The following PRKCH variants were observed in gnomAD, a reference collection of about 807,000 sequenced individuals.
PRKCH encodes protein kinase C eta.
A neutral mutation model predicts 82.5 loss-of-function variants in PRKCH; 28 were observed. The ratio of observed to expected loss-of-function variants is 0.34; its 90% CI spans 0.25 to 0.47. PRKCH has a LOEUF of 0.47. Among genes scored for constraint, PRKCH ranks in the 20% least tolerant of loss-of-function variants. The probability of loss-of-function intolerance (pLI) is 1.00; values close to 1 mark genes in which losing one functional copy is unlikely to be tolerated. For missense variants in PRKCH, 705 were observed against 881.8 expected (o/e 0.80, Z 2.54); for synonymous variants, 322 against 327.4 (o/e 0.98, Z 0.18).
intron 1 of PRKCH, among the ~76,000 whole-genome samples, chr14:61,290,507 TTC>T (rs1421469966): frequency 3.3e-5 from 5 of 152,138 alleles, no homozygotes; most frequent in Non-Finnish European, 5.9e-5. Flanking sequence ...GGGTGTGCCA[TTC>T]TGTGGGTCTC....
chr14:61,530,627 G>A (rs1438035012), intron 12 of PRKCH, 32 bp downstream of exon 12: 2 of 1,557,494 alleles, frequency 1.3e-6, no homozygotes, highest in South Asian at 1.2e-5. Flanking sequence ...AGCTTCTGAT[G>A]TATTGCAAAC....
intron 1 of PRKCH, among the ~76,000 whole-genome samples, chr14:61,223,086 A>G (rs1191771849): frequency 6.6e-6 from 1 of 152,206 alleles, no homozygotes; most frequent in African/African-American, 2.4e-5. Flanking sequence ...GGGGATTTAA[A>G]TGATGAAATC....
chr14:61,250,784 A>G (rs2044938870), intron 1 of PRKCH, among the ~76,000 whole-genome samples: 1 of 152,120 alleles, frequency 6.6e-6, no homozygotes, highest in African/African-American at 2.4e-5. Context: ...CAAATGTACC[A>G]CTTTGGTGGG....
intron 2 of PRKCH, among the ~76,000 whole-genome samples, chr14:61,415,407 C>T (rs766378194): frequency 3.9e-5 from 6 of 152,216 alleles, no homozygotes; most frequent in Non-Finnish European, 7.3e-5. Flanking sequence ...TAAGTGATCA[C>T]TTCAGGGGTG....
intron 1 of PRKCH, among the ~76,000 whole-genome samples, chr14:61,383,924 G>C (rs1317781137): frequency 6.6e-6 from 1 of 152,176 alleles, no homozygotes; most frequent in Non-Finnish European, 1.5e-5. Flanking sequence ...CAAAAGGGGA[G>C]CCCAAGTGGT....
chr14:61,250,152 C>T (rs1594873869), intron 1 of PRKCH, among the ~76,000 whole-genome samples: 2 of 150,882 alleles, frequency 1.3e-5, no homozygotes, highest in South Asian at 2.1e-4. Flanking sequence ...CCCAACTATT[C>T]GGGAAGCTGA....
intron 1 of PRKCH, among the ~76,000 whole-genome samples, chr14:61,334,363 C>G (rs979242810): frequency 1.3e-5 from 2 of 152,000 alleles, no homozygotes; most frequent in African/African-American, 4.8e-5. Context: ...GGGTAGGTAC[C>G]AAGTAGAGAA....
chr14:61,414,301 C>T (rs1324290422), intron 2 of PRKCH, among the ~76,000 whole-genome samples: 1 of 147,232 alleles, frequency 6.8e-6, no homozygotes, highest in East Asian at 2.0e-4. Flanking sequence ...GAAATGGAGT[C>T]TCACTCTGTC....
intron 7 of PRKCH, chr14:61,456,915 C>T (rs543038499): frequency 2.8e-5 from 10 of 363,564 alleles, no homozygotes; most frequent in Admixed American, 8.9e-5. Flanking sequence ...TTTCCATGCA[C>T]TTCCACTTGA....
intron 1 of PRKCH, among the ~76,000 whole-genome samples, chr14:61,188,704 A>AGCGTGTGTGTGTGTGT: frequency 2.3e-5 from 2 of 87,894 alleles, no homozygotes; most frequent in South Asian, 9.0e-4. Flanking sequence ...ACGTTGCTGT[A>AGCGTGTGTGTGTGTGT]GTGTGTGTGT....
Position 61,280,456 on chromosome 14 carries a change from C to A in PRKCH, c.-19+92788C>A, listed in dbSNP as rs754538378. The A allele has an allele frequency of 6.2e-7, 1 of 1,613,690 alleles. No individual in the cohort carries two copies. The highest frequency in any genetic ancestry group is 8.5e-7 in the Non-Finnish European group (1 of 1,179,780). On this transcript the variant is annotated intron_variant, in intron 1 of 3. Transcript: ENST00000555185. This position sits in a 1 kb window ranked among gnomAD's most constrained non-coding sequence, Gnocchi z 5.0. ...GTCGGGGCTGAGCTCGTAGACTGGC[C>A]GGCGCCAGTTGGGCGGGGGCGCCGT...
At chr14:61,195,698 G>C (rs529960987) in intron 1 of PRKCH, among the ~76,000 whole-genome samples, 4 of 152,186 alleles carry the variant, frequency 2.6e-5, no homozygotes, top group African/African-American at 9.7e-5. Flanking sequence ...GAAGACCCAC[G>C]TGTCAGTTAA....
At chr14:61,475,651 C>T (rs1951958) in intron 9 of PRKCH, among the ~76,000 whole-genome samples, 108,074 of 152,152 alleles carry the variant, frequency 0.71, 38,594 homozygotes, top group Middle Eastern at 0.75. Context: ...TCGGGAATAG[C>T]ATGCAACTGT....
intron 9 of PRKCH, among the ~76,000 whole-genome samples, chr14:61,462,378 C>T (rs966187876): frequency 2.0e-5 from 3 of 151,972 alleles, no homozygotes; most frequent in Non-Finnish European, 2.9e-5. Flanking sequence ...TGACAGAGCA[C>T]GACTTTTTCT....
intron 2 of PRKCH, among the ~76,000 whole-genome samples, chr14:61,400,984 G>T (rs527673730): frequency 6.6e-6 from 1 of 152,112 alleles, no homozygotes; most frequent in Non-Finnish European, 1.5e-5. Flanking sequence ...CAGCATTTTA[G>T]TTTTTTTCTT....
intron 9 of PRKCH, among the ~76,000 whole-genome samples, chr14:61,474,536 T>G (rs1742722696): frequency 6.6e-6 from 1 of 151,548 alleles, no homozygotes; most frequent in Non-Finnish European, 1.5e-5. Flanking sequence ...GTGGGAAACA[T>G]CACACACTGG....
At chr14:61,484,307 T>TTA (rs1333299823) in intron 9 of PRKCH, among the ~76,000 whole-genome samples, 1 of 147,870 alleles carries the variant, frequency 6.8e-6, no homozygotes, top group Non-Finnish European at 1.5e-5. Flanking sequence ...TTTTTTTTTT[T>TTA]TTTTTTGAGT....
chr14:61,488,352 C>A lies in PRKCH; in HGVS notation c.1433+2696C>A, dbSNP rs8017496. 2.1e-3 allele frequency among the ~76,000 whole-genome samples: 317 copies of A among 152,218 alleles called. 1 individual carries two copies. The highest frequency in any genetic ancestry group is 7.3e-3 in the African/African-American group (303 of 41,542). ...TCAATCAATAAATCAATAAAACGAG[C>A]ACTTGTTACAGGACCAGCACTTCCC... is the stretch of plus-strand genomic sequence containing the variant. On this transcript the variant is annotated intron_variant, in intron 10 of 13. Coordinates refer to ENST00000332981, the MANE Select transcript of PRKCH (RefSeq NM_006255.5).
intron 1 of PRKCH, among the ~76,000 whole-genome samples, chr14:61,195,572 A>G (rs1354670988): frequency 6.6e-6 from 1 of 152,258 alleles, no homozygotes; most frequent in Non-Finnish European, 1.5e-5. Flanking sequence ...TGTGATAAGA[A>G]TTATGCATAG....
Sources: gnomAD v4.1 joint callset for allele counts (sites outside exome capture counted in the v4.1 genomes callset) on GRCh38, gnomAD v4.1.1 for gene constraint, Gnocchi (gnomAD v3.1) non-coding constraint, MANE v1.5 for transcripts, NCBI Gene and HGNC (gene_info 2026-07-23, HGNC 2026-07-21) for gene names.